MACROH2A1: variants seen among roughly 807,000 people sequenced by gnomAD.
MACROH2A1 encodes core histone macro-H2A.1.
Under a neutral mutation model 31.6 loss-of-function variants are expected in MACROH2A1, and 2 were observed. The observed-to-expected ratio is 0.06, with a 90% confidence interval of 0.03 to 0.20. MACROH2A1 has a LOEUF of 0.20. MACROH2A1 is among the 10% of genes least tolerant of loss of function. The pLI is 1.00. For missense variants in MACROH2A1, 230 were observed against 474.0 expected, an observed-to-expected ratio of 0.49 and a Z score of 4.78; for synonymous variants, 169 against 189.6, an observed-to-expected ratio of 0.89 and a Z score of 0.89.
chr5:135,352,903 T>C, intron 6 of MACROH2A1, 43 bp downstream of exon 6: 1 of 1,060,120 alleles, frequency 9.4e-7, no homozygotes. Flanking sequence ...TTCCATAACT[T>C]TTCATCTGAC....
rs1422770752 is a variant in MACROH2A1 at position 135,334,697 on chromosome 5, T to C, written c.*279A>G. On this transcript the variant is annotated 3_prime_UTR_variant, in exon 9 of 9. Coordinates refer to ENST00000511689, the MANE Select transcript of MACROH2A1 (RefSeq NM_138610.3). ...CCCACTGCTGTGCGTCAATCAGGGT[T>C]TCATTAAAATAAAACTATAAAATCT... is the stretch of plus-strand genomic sequence containing the variant. 16 of 319,680 alleles carry C rather than the reference T, an allele frequency of 5.0e-5. No homozygotes were observed. Among genetic ancestry groups the C allele is most frequent in the African/African-American group, 2.1e-5 (1 of 46,724 alleles). 19.8% of individuals were successfully genotyped at this position (319,680 alleles called of 1,614,324 possible).
At chr5:135,385,580 A>C (rs1236569663) in intron 2 of MACROH2A1, among the ~76,000 whole-genome samples, 2 of 152,134 alleles carry the variant, frequency 1.3e-5, no homozygotes. Context: ...CTGGTACTCC[A>C]GTTTCTCCCT....
intron 5 of MACROH2A1, chr5:135,356,998 G>A (rs1436921300): frequency 1.3e-5 from 2 of 152,168 alleles, no homozygotes; most frequent in Admixed American, 6.5e-5. Flanking sequence ...TCACTTCAAC[G>A]AGGGGAATGG....
chr5:135,393,148 T>C (rs1036293884), intron 1 of MACROH2A1, among the ~76,000 whole-genome samples: 1 of 152,198 alleles, frequency 6.6e-6, no homozygotes, highest in African/African-American at 2.4e-5. Context: ...CACATAGTGA[T>C]TCATGGATCC....
intron 8 of MACROH2A1, chr5:135,337,952 A>G: frequency 8.3e-7 from 1 of 1,201,402 alleles, no homozygotes; most frequent in Non-Finnish European, 1.1e-6. Flanking sequence ...CTAAGGAAGA[A>G]ACCCTGCTAT....
intron 6 of MACROH2A1, among the ~76,000 whole-genome samples, chr5:135,350,393 CG>C (rs1761375529): frequency 6.6e-6 from 1 of 151,732 alleles, no homozygotes; most frequent in Non-Finnish European, 1.5e-5. Flanking sequence ...GACAGATTGG[CG>C]GGGGTCAGGG....
intron 1 of MACROH2A1, among the ~76,000 whole-genome samples, chr5:135,396,421 T>C (rs1217670712): frequency 6.6e-6 from 1 of 152,152 alleles, no homozygotes; most frequent in African/African-American, 2.4e-5. Flanking sequence ...ACCAGAATCC[T>C]TTGTGATTTG....
At chr5:135,366,597 G>A (rs1407951257) in intron 4 of MACROH2A1, among the ~76,000 whole-genome samples, 7 of 150,838 alleles carry the variant, frequency 4.6e-5, no homozygotes, top group African/African-American at 1.2e-4. Context: ...AAAAAAAAAA[G>A]AGCAAGTAGG....
At chr5:135,371,731 G>A (rs568335156) in intron 2 of MACROH2A1, among the ~76,000 whole-genome samples, 39 of 152,270 alleles carry the variant, frequency 2.6e-4, no homozygotes, top group Middle Eastern at 3.4e-3. Flanking sequence ...CCCACACTGG[G>A]ATGTCATTCT....
chr5:135,391,910 C>T (rs1767303709), intron 1 of MACROH2A1, among the ~76,000 whole-genome samples: 1 of 152,202 alleles, frequency 6.6e-6, no homozygotes, highest in South Asian at 2.1e-4. Flanking sequence ...AGCAGCTCTG[C>T]CTACTCTGAT....
At chr5:135,351,978 C>G (rs1761641587) in intron 6 of MACROH2A1, among the ~76,000 whole-genome samples, 1 of 151,882 alleles carries the variant, frequency 6.6e-6, no homozygotes, top group East Asian at 1.9e-4. Flanking sequence ...AAGCTGGACA[C>G]TCTTGAGTCC....
chr5:135,382,170 C>A lies in MACROH2A1; in HGVS notation c.172+6752G>T, dbSNP rs529042305. ...TCTGTTGGCCCAAGCAAAAGAAGAA[C>A]CCTTCATATGGAACTTGTCTACCAG... On this transcript the variant is annotated intron_variant, in intron 2 of 8. Coordinates refer to ENST00000511689, the MANE Select transcript of MACROH2A1 (RefSeq NM_138610.3). 3.9e-5 allele frequency among the ~76,000 whole-genome samples: 6 copies of A among 152,228 alleles called. No homozygotes were observed. In the East Asian group the frequency reaches 1.2e-3, roughly 29 times the overall value.
chr5:135,372,872 C>T (rs1286601261), intron 2 of MACROH2A1, among the ~76,000 whole-genome samples: 3 of 152,244 alleles, frequency 2.0e-5, no homozygotes, highest in Non-Finnish European at 4.4e-5. Context: ...CCCTCCCTTC[C>T]ACAACCTTCC....
chr5:135,366,745 C>T (rs1440406392), intron 4 of MACROH2A1, among the ~76,000 whole-genome samples: 2 of 152,138 alleles, frequency 1.3e-5, no homozygotes, highest in African/African-American at 4.8e-5. Context: ...TTACTGCATA[C>T]TCTTTTGTCC....
intron 6 of MACROH2A1, chr5:135,347,052 C>T (rs1010981101): frequency 6.6e-6 from 1 of 152,204 alleles, no homozygotes; most frequent in Admixed American, 6.5e-5. Flanking sequence ...CTTTTCCTCA[C>T]AAGAGGACAA....
In MACROH2A1 at chr5:135,334,546, A is replaced by AG; in HGVS notation, c.*429dup. ...CTGTTGCAAATTCATGATTCTTCTG[A>AG]GGGGGGAAACCAAAAGAACATTAGA... is the stretch of plus-strand genomic sequence containing the variant. On this transcript the variant is annotated 3_prime_UTR_variant, in exon 9 of 9. Transcript: ENST00000511689. The AG allele has an allele frequency of 1.7e-5, 3 of 178,390 alleles. No homozygotes were observed. The highest frequency in any genetic ancestry group is 2.4e-5 in the African/African-American group (1 of 41,940). 11.1% of individuals were successfully genotyped at this position (178,390 alleles called of 1,614,324 possible). A position where few individuals can be genotyped will look rare whatever the true frequency, so the allele number is the denominator to read the frequency against.
chr5:135,378,673 GTTAC>G (rs138905140), intron 2 of MACROH2A1, among the ~76,000 whole-genome samples: 1,648 of 152,340 alleles, frequency 0.011, 34 homozygotes, highest in African/African-American at 0.038. Flanking sequence ...TTTTGGAGAA[GTTAC>G]TTAAACTCTG....
intron 6 of MACROH2A1, among the ~76,000 whole-genome samples, chr5:135,349,275 G>C (rs1761223647): frequency 6.6e-6 from 1 of 152,110 alleles, no homozygotes; most frequent in Non-Finnish European, 1.5e-5. Flanking sequence ...GCCCTTAGCT[G>C]TTCATTTATT....
intron 2 of MACROH2A1, among the ~76,000 whole-genome samples, chr5:135,386,256 C>G (rs1766390016): frequency 1.3e-5 from 2 of 152,182 alleles, no homozygotes; most frequent in Non-Finnish European, 2.9e-5. Flanking sequence ...TGGCTCCTCT[C>G]CCATCACAAA....
Sources: gnomAD v4.1 joint callset for allele counts (sites outside exome capture counted in the v4.1 genomes callset) on GRCh38, gnomAD v4.1.1 for gene constraint, MANE v1.5 for transcripts, NCBI Gene and HGNC (gene_info 2026-07-23, HGNC 2026-07-21) for gene names.